The following LOC114841035 variants were observed in gnomAD, a reference collection of about 807,000 sequenced individuals.
At chr11:64,242,498 G>A in the LOC114841035 span, 1 of 1,556,206 alleles carries the variant, frequency 6.4e-7, no homozygotes, top group Non-Finnish European at 8.6e-7. Context: ...GGGTCAAGAA[G>A]CGGGTGGACC....
the LOC114841035 span, chr11:64,242,182 G>T: frequency 2.0e-6 from 1 of 494,190 alleles, no homozygotes; most frequent in Non-Finnish European, 3.5e-6. Context: ...CGCTGCTGGG[G>T]TCCTCGGCCA....
chr11:64,242,124 A>G, the LOC114841035 span: 1 of 427,350 alleles, frequency 2.3e-6, no homozygotes, highest in Admixed American at 4.4e-5. Context: ...GGGGGTGAGC[A>G]AAGGGGCGGG....
the LOC114841035 span, chr11:64,243,628 T>C: frequency 7.7e-7 from 1 of 1,305,202 alleles, no homozygotes; most frequent in African/African-American, 1.4e-5. Context: ...CAAGTTTGGC[T>C]GTGTCTAGCA....
chr11:64,243,802 T>TTGGCCATCAC, the LOC114841035 span: 70 of 1,613,054 alleles, frequency 4.3e-5, no homozygotes, highest in Non-Finnish European at 7.6e-6. Context: ...GGAAGGGAGC[T>TTGGCCATCAC]TGGCCATCAC....
At chr11:64,243,573 T>A in the LOC114841035 span, 1 of 1,540,822 alleles carries the variant, frequency 6.5e-7, no homozygotes. Flanking sequence ...CTTCAGCTTT[T>A]CATTGGTCTT....
chr11:64,243,077 A>G, the LOC114841035 span: 1 of 840,100 alleles, frequency 1.2e-6, no homozygotes, highest in African/African-American at 1.7e-5. Context: ...CAAAAAACAA[A>G]AAGGACTGAC....
the LOC114841035 span, chr11:64,241,807 G>C: frequency 1.3e-5 from 2 of 152,618 alleles, no homozygotes; most frequent in Non-Finnish European, 2.9e-5. Context: ...GGGTGCCCCG[G>C]AGACCCCCAA....
the LOC114841035 span, chr11:64,243,678 T>C: frequency 3.4e-6 from 4 of 1,161,536 alleles, no homozygotes; most frequent in African/African-American, 1.5e-5. Flanking sequence ...TCAGCTGTAG[T>C]GGCCCCACTC....
the LOC114841035 span, chr11:64,243,059 C>G: frequency 2.8e-6 from 2 of 707,526 alleles, no homozygotes; most frequent in Admixed American, 4.6e-5. Context: ...GCAACAGAGA[C>G]TCCATCTCAA....
chr11:64,244,087 AAAAAACAAAAAAC>A, the LOC114841035 span: 2 of 1,552,752 alleles, frequency 1.3e-6, no homozygotes, highest in Non-Finnish European at 1.8e-6. Flanking sequence ...TGTTCCAAAA[AAAAAACAAAAAAC>A]AAAAACAAAC....
At chr11:64,242,348 C>G in the LOC114841035 span, 21 of 1,473,262 alleles carry the variant, frequency 1.4e-5, no homozygotes, top group Admixed American at 2.6e-5. Context: ...TGCCCTCCCC[C>G]ACGTTCAGTC....
At chr11:64,242,441 CGTGGCCACG>C in the LOC114841035 span, 9 of 1,550,510 alleles carry the variant, frequency 5.8e-6, no homozygotes, top group Non-Finnish European at 7.8e-6. Flanking sequence ...GCCTGAGCGC[CGTGGCCACG>C]GCCACGGGGG....
At chr11:64,242,932 C>T in the LOC114841035 span, among the ~76,000 whole-genome samples, 1 of 152,172 alleles carries the variant, frequency 6.6e-6, no homozygotes, top group African/African-American at 2.4e-5. Flanking sequence ...ATTAGCCAGG[C>T]GTGGTGGCGG....
At chr11:64,243,383 G>A in the LOC114841035 span, 1 of 1,607,794 alleles carries the variant, frequency 6.2e-7, no homozygotes, top group South Asian at 1.1e-5. Context: ...GCTGTGGGAG[G>A]CAAGCCCCAG....
the LOC114841035 span, chr11:64,242,382 A>G: frequency 1.3e-6 from 2 of 1,518,768 alleles, no homozygotes; most frequent in East Asian, 2.6e-5. Context: ...CTGTGCCCAC[A>G]GAGACATGAG....
the LOC114841035 span, chr11:64,243,947 G>T: frequency 6.2e-7 from 1 of 1,614,038 alleles, no homozygotes; most frequent in Non-Finnish European, 8.5e-7. Flanking sequence ...TTGGCATTTT[G>T]ACTCCCCTTC....
chr11:64,244,011 GC>G, the LOC114841035 span: 1 of 1,613,960 alleles, frequency 6.2e-7, no homozygotes, highest in Non-Finnish European at 8.5e-7. Flanking sequence ...TCAAAATAGA[GC>G]GACGAACTGA....
chr11:64,242,440 C>T, the LOC114841035 span: 1 of 1,550,622 alleles, frequency 6.4e-7, no homozygotes, highest in Non-Finnish European at 8.7e-7. Flanking sequence ...TGCCTGAGCG[C>T]CGTGGCCACG....
the LOC114841035 span, chr11:64,244,012 C>A: frequency 1.2e-6 from 2 of 1,613,818 alleles, no homozygotes; most frequent in Non-Finnish European, 8.5e-7. Flanking sequence ...CAAAATAGAG[C>A]GACGAACTGA....
Sources: allele counts gnomAD v4.1 joint callset (sites outside exome capture counted in the v4.1 genomes callset), GRCh38; gene constraint gnomAD v4.1.1; transcripts MANE v1.5.